SDK1: variants seen among roughly 807,000 people sequenced by gnomAD.
SDK1 encodes protein sidekick-1.
In SDK1, 157 loss-of-function variants were observed where a neutral mutation model predicts 245.5. That is an observed-to-expected ratio of 0.64 (90% CI 0.56 to 0.73). The LOEUF is 0.73. Among genes scored for constraint, SDK1 ranks in the 30% least tolerant of loss-of-function variants. SDK1 has a pLI of 0.00. For synonymous variants in SDK1, 1,647 were observed against 1,278.5 expected, an observed-to-expected ratio of 1.29 and a Z score of -6.15; for missense variants, 3,583 against 3,002.3, an observed-to-expected ratio of 1.19 and a Z score of -4.52.
chr7:3,821,656 C>A (rs1779649068), intron 5 of SDK1, 73 bp downstream of exon 5: 1 of 1,509,860 alleles, frequency 6.6e-7, no homozygotes, highest in Non-Finnish European at 9.0e-7. Context: ...CACTGTCTGA[C>A]AGGACATTTT....
intron 38 of SDK1, among the ~76,000 whole-genome samples, chr7:4,216,043 C>T (rs1446572928): frequency 6.6e-6 from 1 of 152,186 alleles, no homozygotes; most frequent in East Asian, 1.9e-4. Flanking sequence ...ATACCACAAC[C>T]GGCCTTGGCA....
chr7:3,925,790 G>A (rs1009969437), intron 5 of SDK1, among the ~76,000 whole-genome samples: 6 of 152,206 alleles, frequency 3.9e-5, no homozygotes, highest in African/African-American at 1.2e-4. Context: ...CCAGCCGGCT[G>A]AGAAGACACC....
chr7:3,927,763 A>T (rs756014495), intron 5 of SDK1, among the ~76,000 whole-genome samples: 6 of 152,214 alleles, frequency 3.9e-5, no homozygotes, highest in Non-Finnish European at 8.8e-5. Flanking sequence ...CAAATTTCAT[A>T]AATAGATTTC....
intron 1 of SDK1, among the ~76,000 whole-genome samples, chr7:3,535,969 T>C (rs1209009116): frequency 6.6e-6 from 1 of 152,166 alleles, no homozygotes; most frequent in Admixed American, 6.5e-5. Context: ...TACTATAATT[T>C]ATAAATTAAT....
chr7:3,489,592 G>A (rs1439527860), intron 1 of SDK1, among the ~76,000 whole-genome samples: 2 of 152,204 alleles, frequency 1.3e-5, no homozygotes, highest in Non-Finnish European at 2.9e-5. Flanking sequence ...CATATCTGGA[G>A]ATAGATGGAA....
chr7:4,083,654 C>CTTCCT (rs1781219681), intron 22 of SDK1, among the ~76,000 whole-genome samples: 8 of 19,350 alleles, frequency 4.1e-4, no homozygotes, highest in Non-Finnish European at 5.8e-4. Flanking sequence ...CCTTCCTCCA[C>CTTCCT]CCCTCCCTTC....
At chr7:3,327,581 C>T (rs1022881658) in intron 1 of SDK1, among the ~76,000 whole-genome samples, 2 of 151,888 alleles carry the variant, frequency 1.3e-5, no homozygotes, top group African/African-American at 2.4e-5. Flanking sequence ...AAATATTTTT[C>T]AGTAGAGAAA....
chr7:3,677,568 A>G (rs1783945679), intron 4 of SDK1, among the ~76,000 whole-genome samples: 1 of 152,230 alleles, frequency 6.6e-6, no homozygotes, highest in African/African-American at 2.4e-5. Context: ...CACCCCCGTG[A>G]TTCAATTATC....
intron 35 of SDK1, among the ~76,000 whole-genome samples, chr7:4,198,003 G>A (rs376389098): frequency 9.2e-5 from 14 of 152,334 alleles, no homozygotes; most frequent in African/African-American, 2.9e-4. Flanking sequence ...GGACCAGGAC[G>A]CACAGGCCTG....
intron 42 of SDK1, among the ~76,000 whole-genome samples, chr7:4,239,681 G>T (rs1165118697): frequency 6.6e-6 from 1 of 152,282 alleles, no homozygotes; most frequent in East Asian, 1.9e-4. Context: ...GGCCTGTTTT[G>T]ATCCTACGGA....
chr7:3,717,492 T>A (rs1785238181), intron 4 of SDK1, among the ~76,000 whole-genome samples: 1 of 151,352 alleles, frequency 6.6e-6, no homozygotes, highest in Admixed American at 6.6e-5. Flanking sequence ...AAGAGGGAAG[T>A]CTCAAATCAA....
intron 1 of SDK1, among the ~76,000 whole-genome samples, chr7:3,331,773 T>C (rs1433458996): frequency 1.3e-5 from 2 of 152,184 alleles, no homozygotes; most frequent in Admixed American, 6.5e-5. Flanking sequence ...CAATCACTTA[T>C]TCCTTGAAGA....
At chr7:4,000,614 A>C (rs1785004311) in intron 14 of SDK1, among the ~76,000 whole-genome samples, 1 of 152,192 alleles carries the variant, frequency 6.6e-6, no homozygotes, top group South Asian at 2.1e-4. Flanking sequence ...TCACCGCACA[A>C]TCTGTTCAAC....
chr7:4,041,102 A>G (rs1788598554), intron 17 of SDK1, among the ~76,000 whole-genome samples: 1 of 152,158 alleles, frequency 6.6e-6, no homozygotes. Context: ...CCTGGTACAG[A>G]CAAACAAATT....
chr7:3,811,571 C>T (rs984501005), intron 4 of SDK1, among the ~76,000 whole-genome samples: 2 of 152,186 alleles, frequency 1.3e-5, no homozygotes, highest in Non-Finnish European at 2.9e-5. Flanking sequence ...TGCACCCAGG[C>T]AGATGTCCCT....
At chr7:4,070,383 C>T (rs969764636) in intron 20 of SDK1, among the ~76,000 whole-genome samples, 8 of 152,172 alleles carry the variant, frequency 5.3e-5, no homozygotes, top group Non-Finnish European at 1.0e-4. Context: ...TCCAAGGACT[C>T]GTGGCATGCT....
intron 4 of SDK1, among the ~76,000 whole-genome samples, chr7:3,724,200 G>C (rs1778940373): frequency 1.3e-5 from 2 of 151,894 alleles, no homozygotes; most frequent in South Asian, 4.2e-4. Flanking sequence ...CCTGACCTCA[G>C]GTGATCCACC....
chr7:3,572,585 C>T (rs933206314), intron 1 of SDK1, among the ~76,000 whole-genome samples: 1 of 151,888 alleles, frequency 6.6e-6, no homozygotes, highest in African/African-American at 2.4e-5. Context: ...GTGTGTGAGC[C>T]CAATGCATGG....
intron 5 of SDK1, among the ~76,000 whole-genome samples, chr7:3,880,546 T>TC (rs1176966611): frequency 3.0e-5 from 4 of 131,532 alleles, no homozygotes; most frequent in African/African-American, 7.4e-5. Flanking sequence ...CCCTGGTCTT[T>TC]TTTTTTTTTT....
Sources: allele counts gnomAD v4.1 joint callset (sites outside exome capture counted in the v4.1 genomes callset), GRCh38; gene constraint gnomAD v4.1.1; transcripts MANE v1.5; gene names NCBI Gene and HGNC (gene_info 2026-07-23, HGNC 2026-07-21).